PRKD1: variants seen among roughly 807,000 people sequenced by gnomAD.
The protein encoded by PRKD1 is protein kinase D1, also known as serine/threonine-protein kinase D1.
PRKD1 carries 63 observed loss-of-function variants against 95.9 expected under a neutral mutation model. The ratio of observed to expected loss-of-function variants is 0.66; its 90% CI spans 0.54 to 0.81. The LOEUF (loss-of-function observed/expected upper bound fraction) is 0.81, where lower values mean the gene tolerates loss of function less well. Among genes scored for constraint, PRKD1 ranks in the 30% least tolerant of loss-of-function variants. The pLI is 0.00. For synonymous variants in PRKD1, 425 were observed against 423.1 expected (o/e 1.00, Z -0.05); for missense variants, 1,048 against 1,165.3 (o/e 0.90, Z 1.47).
At chr14:29,828,526 C>T (rs985091649) in intron 1 of PRKD1, among the ~76,000 whole-genome samples, 1 of 152,106 alleles carries the variant, frequency 6.6e-6, no homozygotes, top group Non-Finnish European at 1.5e-5. Context: ...CAAACCATAT[C>T]AATATTCTAT....
chr14:29,797,491 T>C (rs1035680579), intron 1 of PRKD1, among the ~76,000 whole-genome samples: 4 of 152,192 alleles, frequency 2.6e-5, no homozygotes, highest in African/African-American at 9.7e-5. Context: ...AACATGTAAA[T>C]ATCATCTGAT....
At chr14:29,702,496 A>G (rs935925977) in intron 2 of PRKD1, among the ~76,000 whole-genome samples, 1 of 152,012 alleles carries the variant, frequency 6.6e-6, no homozygotes, top group Non-Finnish European at 1.5e-5. Flanking sequence ...AACTTGCTAC[A>G]CATTTATCTC....
At chr14:29,743,776 C>T (rs1391778203) in intron 1 of PRKD1, among the ~76,000 whole-genome samples, 2 of 152,214 alleles carry the variant, frequency 1.3e-5, no homozygotes, top group African/African-American at 4.8e-5. Context: ...CAATGCCCTT[C>T]ACATTGCCAG....
intron 1 of PRKD1, among the ~76,000 whole-genome samples, chr14:29,772,495 G>T (rs1888555665): frequency 6.6e-6 from 1 of 152,090 alleles, no homozygotes; most frequent in African/African-American, 2.4e-5. Context: ...TTTTGTTATA[G>T]CCGCCCAAAT....
At chr14:29,813,971 G>A (rs916391751) in intron 1 of PRKD1, among the ~76,000 whole-genome samples, 2 of 152,120 alleles carry the variant, frequency 1.3e-5, no homozygotes, top group African/African-American at 4.8e-5. Flanking sequence ...TTAGCAAAAT[G>A]GAATTTGAAT....
At chr14:29,876,545 A>T (rs2139387088) in intron 1 of PRKD1, among the ~76,000 whole-genome samples, 1 of 152,288 alleles carries the variant, frequency 6.6e-6, no homozygotes, top group Non-Finnish European at 1.5e-5. Flanking sequence ...CAAAGGAAAA[A>T]ATAGACAAAC....
At chr14:29,795,328 T>C (rs910551419) in intron 1 of PRKD1, among the ~76,000 whole-genome samples, 18 of 152,040 alleles carry the variant, frequency 1.2e-4, no homozygotes, top group Admixed American at 1.1e-3. Context: ...CAATCTCTTT[T>C]ATATACTAAA....
At chr14:29,769,680 T>C (rs942670981) in intron 1 of PRKD1, among the ~76,000 whole-genome samples, 4 of 152,336 alleles carry the variant, frequency 2.6e-5, no homozygotes, top group Non-Finnish European at 5.9e-5. Flanking sequence ...ACCCACTGTA[T>C]ATTTAGGAAA....
At chr14:29,593,003 C>A (rs559632665) in intron 16 of PRKD1, among the ~76,000 whole-genome samples, 1 of 152,120 alleles carries the variant, frequency 6.6e-6, no homozygotes, top group Non-Finnish European at 1.5e-5. Flanking sequence ...TTGGAGCCAG[C>A]GGACAGGATT....
chr14:29,757,480 A>G (rs1887761094), intron 1 of PRKD1, among the ~76,000 whole-genome samples: 1 of 152,170 alleles, frequency 6.6e-6, no homozygotes, highest in African/African-American at 2.4e-5. Context: ...GCAAATACAT[A>G]GCAATCCAGG....
intron 1 of PRKD1, among the ~76,000 whole-genome samples, chr14:29,818,629 A>G (rs555842198): frequency 1.5e-3 from 223 of 151,864 alleles, no homozygotes; most frequent in African/African-American, 4.9e-3. Flanking sequence ...AAAAAAAAAA[A>G]AGAAAAGTTC....
intron 2 of PRKD1, among the ~76,000 whole-genome samples, chr14:29,711,545 G>A (rs1885334488): frequency 6.6e-6 from 1 of 152,086 alleles, no homozygotes; most frequent in South Asian, 2.1e-4. Context: ...TTAACTTTGG[G>A]ATTTTCCAAA....
chr14:29,584,961 G>GT (rs1309959340), intron 16 of PRKD1, among the ~76,000 whole-genome samples: 1 of 152,110 alleles, frequency 6.6e-6, no homozygotes, highest in Non-Finnish European at 1.5e-5. Flanking sequence ...AATTATTCAG[G>GT]TATCTTTTCA....
intron 1 of PRKD1, among the ~76,000 whole-genome samples, chr14:29,751,607 T>C (rs1312549521): frequency 6.6e-6 from 1 of 152,236 alleles, no homozygotes; most frequent in Non-Finnish European, 1.5e-5. Context: ...ATACATTATG[T>C]ATCTTTATAG....
intron 4 of PRKD1, chr14:29,656,366 T>G: frequency 1.7e-6 from 2 of 1,196,242 alleles, no homozygotes; most frequent in Admixed American, 4.1e-5. Flanking sequence ...AACTCTGACC[T>G]GATTATTCTC....
chr14:29,709,798 GA>G (rs760810927), intron 2 of PRKD1, among the ~76,000 whole-genome samples: 6 of 152,098 alleles, frequency 3.9e-5, no homozygotes, highest in Non-Finnish European at 8.8e-5. Context: ...ACACATCAAG[GA>G]GGGCAATCTA....
chr14:29,599,026 C>T lies in PRKD1; in HGVS notation c.2166+1G>A. ...TTGCTGAGAGAGGCTTTTATACTTG[C>T]CTGAGGAAAAGGATCAGCTGAGGCT... On this transcript the variant is annotated splice_donor_variant, in intron 15 of 17. Transcript: ENST00000331968. LOFTEE classifies it high-confidence loss of function. 3 of 1,609,952 alleles carry T rather than the reference C, an allele frequency of 1.9e-6. No homozygotes were observed. The highest frequency in any genetic ancestry group is 2.5e-6 in the Non-Finnish European group (3 of 1,176,512).
chr14:29,638,904 G>C lies in PRKD1; in HGVS notation c.697C>G (p.Gln233Glu). 1 of 1,613,712 alleles carries C rather than the reference G, an allele frequency of 6.2e-7. No individual in the cohort carries two copies. Among genetic ancestry groups the C allele is most frequent in the Non-Finnish European group, 8.5e-7 (1 of 1,179,700 alleles). Residue 233 changes from glutamine (Q) to glutamate (E), a missense_variant and splice_region_variant, in exon 5 of 18, where the codon CAA becomes GAA. Gln to Glu is a conservative substitution (Grantham distance 29). Around this residue, in one of 3 missense-constraint regions of PRKD1, gnomAD observed 739 missense variants for 861.9 expected, o/e 0.86. Coordinates refer to ENST00000331968, the MANE Select transcript of PRKD1 (RefSeq NM_002742.3). ...STSAPDEPLL[Q>E]KSPSESFIGR... ...ATAAACGACTCTGATGGTGATTTTT[G>C]CTACATTTTGGAAAACAATAAAGGA...
At chr14:29,772,717 T>C (rs932098546) in intron 1 of PRKD1, among the ~76,000 whole-genome samples, 3 of 152,184 alleles carry the variant, frequency 2.0e-5, no homozygotes, top group African/African-American at 7.2e-5. Flanking sequence ...TAGAAAGTAT[T>C]ATACTTCCCT....
Sources: allele counts gnomAD v4.1 joint callset (sites outside exome capture counted in the v4.1 genomes callset), GRCh38; gene constraint gnomAD v4.1.1; regional missense constraint gnomAD v4.1.1; transcripts MANE v1.5; gene names NCBI Gene and HGNC (gene_info 2026-07-23, HGNC 2026-07-21).